Variants in GRIN2A observed in about 807,000 individuals in gnomAD.
GRIN2A encodes the protein glutamate receptor ionotropic, NMDA 2A.
Under a neutral mutation model 113.4 loss-of-function variants are expected in GRIN2A, and 22 were observed. That is an observed-to-expected ratio of 0.19 (90% confidence interval 0.14 to 0.28). The LOEUF is 0.28. GRIN2A is among the 10% of genes least tolerant of loss of function. The pLI is 1.00. For synonymous variants in GRIN2A, 827 were observed against 738.4 expected (o/e 1.12, Z -1.94); for missense variants, 1,502 against 1,887.0 (o/e 0.80, Z 3.78).
upstream of GRIN2A, chr16:10,182,469 G>C (rs2050290228): frequency 6.6e-6 from 1 of 152,242 alleles, no homozygotes; most frequent in Non-Finnish European, 1.5e-5. Flanking sequence ...AGTTTGTGAC[G>C]AGCCAGCAGT....
chr16:10,171,921 C>A (rs2050051087), intron 2 of GRIN2A, among the ~76,000 whole-genome samples: 1 of 152,146 alleles, frequency 6.6e-6, no homozygotes, highest in Non-Finnish European at 1.5e-5. Context: ...ATCACCCAGC[C>A]AGTAAGAGGT....
intron 2 of GRIN2A, among the ~76,000 whole-genome samples, chr16:9,967,672 C>G (rs2045582852): frequency 1.3e-5 from 2 of 152,068 alleles, no homozygotes; most frequent in Non-Finnish European, 2.9e-5. Flanking sequence ...CACCATTGCA[C>G]TGCATCCTGG....
At chr16:9,765,129 A>G (rs144019650) in intron 12 of GRIN2A, among the ~76,000 whole-genome samples, 181 bp from the exon 13 acceptor site, 5 of 152,352 alleles carry the variant, frequency 3.3e-5, no homozygotes, top group African/African-American at 1.2e-4. Context: ...GTTGCAAAGC[A>G]TAGGGTTTAT....
At chr16:9,927,746 T>C (rs2044496880) in intron 3 of GRIN2A, among the ~76,000 whole-genome samples, 1 of 152,216 alleles carries the variant, frequency 6.6e-6, no homozygotes, top group South Asian at 2.1e-4. Flanking sequence ...TAATATAACC[T>C]ATGAAACTTG....
chr16:10,157,087 C>G (rs1013870368), intron 2 of GRIN2A, among the ~76,000 whole-genome samples: 13 of 152,054 alleles, frequency 8.5e-5, no homozygotes, highest in Non-Finnish European at 4.4e-5. Context: ...AGTAACATGT[C>G]CAATGCGCCC....
intron 2 of GRIN2A, among the ~76,000 whole-genome samples, chr16:10,113,946 G>A (rs751820639): frequency 3.3e-5 from 5 of 152,042 alleles, no homozygotes; most frequent in African/African-American, 4.8e-5. Context: ...GCTCACACAT[G>A]TAATCCCAGC....
intron 2 of GRIN2A, among the ~76,000 whole-genome samples, chr16:10,101,221 A>C (rs1481718023): frequency 2.0e-5 from 3 of 152,170 alleles, no homozygotes; most frequent in African/African-American, 7.2e-5. Context: ...CCCTTGCACA[A>C]TTCTACTTCC....
intron 4 of GRIN2A, among the ~76,000 whole-genome samples, chr16:9,867,700 A>G (rs1308354241): frequency 6.6e-6 from 1 of 152,162 alleles, no homozygotes; most frequent in Non-Finnish European, 1.5e-5. Flanking sequence ...CTGTCAGGAC[A>G]CTACCATTAC....
intron 2 of GRIN2A, among the ~76,000 whole-genome samples, chr16:10,136,829 G>A (rs1462098239): frequency 6.6e-6 from 1 of 152,162 alleles, no homozygotes; most frequent in East Asian, 1.9e-4. Context: ...ATGACCTGAG[G>A]CCCTGAAAAA....
intron 2 of GRIN2A, among the ~76,000 whole-genome samples, chr16:10,161,297 T>C (rs2049804287): frequency 6.6e-6 from 1 of 152,094 alleles, no homozygotes; most frequent in Non-Finnish European, 1.5e-5. Context: ...TGATTGTAAA[T>C]TTCCGGAGGC....
At chr16:10,059,203 T>C (rs1439591307) in intron 2 of GRIN2A, among the ~76,000 whole-genome samples, 1 of 152,186 alleles carries the variant, frequency 6.6e-6, no homozygotes, top group Non-Finnish European at 1.5e-5. Flanking sequence ...ACTATGGGAA[T>C]AGGTTTTAGT....
rs772799061 is a variant in GRIN2A at position 9,764,125 on chromosome 16, G to A, written c.3419C>T (p.Thr1140Ile). 12 of 1,613,654 alleles carry A rather than the reference G, an allele frequency of 7.4e-6. 1 individual carries two copies. The Admixed American group carries it at 1.5e-4, about 20-fold the overall frequency. The stretch of plus-strand genomic sequence containing the variant: ...CGGGAAGTCCACGTTCTCGGGCAGG[G>A]TCACATTTTCAACAAACTGGGGTGG... ...LDPPQFVENV[T>I]LPENVDFPDP... The change falls in exon 13 of 13, where the codon ACC becomes ATC. Residue 1140 changes from threonine (T) to isoleucine (I), a missense_variant. Thr to Ile is a moderately conservative substitution (Grantham distance 89). Coordinates refer to ENST00000330684, the MANE Select transcript of GRIN2A (RefSeq NM_001134407.3).
rs372749330 is a variant in GRIN2A, at chr16:10,044,691, G to T, written c.415-106140C>A. ...TAAATGTTATGAAAGGGATGCACAC[G>T]TTTATCATTCAAAGGATAGCCTACG... On this transcript the variant is annotated intron_variant, in intron 2 of 12. Transcript: ENST00000330684. 6.0e-5 allele frequency among the ~76,000 whole-genome samples: 9 copies of T among 150,648 alleles called. No homozygotes were observed. The South Asian group carries it at 1.9e-3, about 32-fold the overall frequency.
intron 2 of GRIN2A, among the ~76,000 whole-genome samples, chr16:9,958,388 A>C (rs1361633495): frequency 1.3e-5 from 2 of 151,972 alleles, no homozygotes; most frequent in African/African-American, 4.8e-5. Flanking sequence ...GAATTGCCAA[A>C]TTTACTACTC....
At chr16:9,777,778 C>A (rs923600514) in intron 11 of GRIN2A, among the ~76,000 whole-genome samples, 1 of 152,198 alleles carries the variant, frequency 6.6e-6, no homozygotes, top group African/African-American at 2.4e-5. Context: ...AATCTCCCAA[C>A]TCTGGCCGGG....
rs187653627 is a variant in GRIN2A at position 9,910,143 on chromosome 16, G to T, written c.1008-19043C>A. Among the ~76,000 whole-genome samples the T allele has an allele frequency of 1.7e-3, 257 of 152,208 alleles. 2 individuals carry two copies. The highest frequency in any genetic ancestry group is 5.8e-3 in the African/African-American group (241 of 41,542). On this transcript the variant is annotated intron_variant, in intron 3 of 12. Coordinates refer to ENST00000330684, the MANE Select transcript of GRIN2A (RefSeq NM_001134407.3). The stretch of plus-strand genomic sequence containing the variant: ...CTAGGTTTACACTTTGGGTTACTAT[G>T]AACAGTGCTTCTAGGAACATTCTAG...
At chr16:10,171,212 G>T (rs1007293089) in intron 2 of GRIN2A, among the ~76,000 whole-genome samples, 1 of 152,198 alleles carries the variant, frequency 6.6e-6, no homozygotes, top group Non-Finnish European at 1.5e-5. Context: ...CTAGGTTCTA[G>T]TTACAGCTTT....
chr16:9,863,963 A>G (rs1204841929), intron 4 of GRIN2A, among the ~76,000 whole-genome samples: 2 of 152,236 alleles, frequency 1.3e-5, no homozygotes, highest in Non-Finnish European at 2.9e-5. Context: ...TCACAGAAAC[A>G]GGAATTGGGG....
intron 2 of GRIN2A, among the ~76,000 whole-genome samples, chr16:10,163,798 T>C (rs2049853772): frequency 1.3e-5 from 2 of 152,156 alleles, no homozygotes; most frequent in Admixed American, 6.5e-5. Flanking sequence ...CATAAATCTC[T>C]CCCACTTTTG....
Sources: gnomAD v4.1 joint callset for allele counts (sites outside exome capture counted in the v4.1 genomes callset) on GRCh38, gnomAD v4.1.1 for gene constraint, MANE v1.5 for transcripts, NCBI Gene and HGNC (gene_info 2026-07-23, HGNC 2026-07-21) for gene names.